The following ADGRV1 variants were observed in gnomAD, a reference collection of about 807,000 sequenced individuals.
ADGRV1 encodes the protein adhesion G protein-coupled receptor V1.
In ADGRV1, 359 loss-of-function variants were observed where a neutral mutation model predicts 596.2. That is an observed-to-expected ratio of 0.60 (90% CI 0.55 to 0.66). The LOEUF is 0.66. Ranked by LOEUF, ADGRV1 falls within the 30% of genes least tolerant of loss-of-function variation. ADGRV1 has a pLI of 0.00. For missense variants in ADGRV1, 7,274 were observed against 7,575.6 expected, an observed-to-expected ratio of 0.96 and a Z score of 1.48; for synonymous variants, 2,681 against 2,679.2, an observed-to-expected ratio of 1.00 and a Z score of -0.02.
chr5:91,151,473 T>C (rs1796051631), intron 88 of ADGRV1, among the ~76,000 whole-genome samples: 1 of 152,192 alleles, frequency 6.6e-6, no homozygotes, highest in Admixed American at 6.5e-5. Flanking sequence ...CCTATATCTT[T>C]AGTATCCTTA....
chr5:90,688,332 G>A (rs1454869106), intron 29 of ADGRV1, among the ~76,000 whole-genome samples: 1 of 152,140 alleles, frequency 6.6e-6, no homozygotes, highest in African/African-American at 2.4e-5. Flanking sequence ...TGGGAAAACT[G>A]GCTAGCCATA....
At chr5:90,625,768 T>A (rs2149371261) in intron 6 of ADGRV1, 1 of 152,306 alleles carries the variant, frequency 6.6e-6, no homozygotes, top group African/African-American at 2.4e-5. Context: ...GCCCGGCTAA[T>A]TTTTTGTATT....
In ADGRV1 at chr5:90,877,585, G is replaced by GTT. The variant is rs72003963; in HGVS notation, c.17856+13740_17856+13741dup. Among the ~76,000 whole-genome samples the GTT allele has an allele frequency of 4.3e-5, 6 of 140,126 alleles. No individual in the cohort carries two copies. The East Asian group carries it at 6.1e-4, about 14-fold the overall frequency. The allele number at this position is 140,126 out of a possible 152,430, so 91.9% of individuals were successfully genotyped here. A position where few individuals can be genotyped will look rare whatever the true frequency, so the allele number is the denominator to read the frequency against. ...GGCATCAGTAGGGTTTCAGTGTGTGGTTTTTTTTTTTTTCATTTAATGTCT... is the reference window on the plus strand; with the variant it reads ...GGCATCAGTAGGGTTTCAGTGTGTGGTTTTTTTTTTTTTTTCATTTAATGTCT... On this transcript the variant is annotated intron_variant, in intron 83 of 89. Transcript: ENST00000405460.
chr5:90,596,009 C>T (rs974607917), intron 1 of ADGRV1, among the ~76,000 whole-genome samples: 10 of 147,076 alleles, frequency 6.8e-5, no homozygotes, highest in East Asian at 4.2e-4. Flanking sequence ...GGCTGCCGGG[C>T]GGAGAGGCTC....
At position 90,805,287 on chromosome 5, in the gene ADGRV1, G is replaced by A. The variant is rs555579089; in HGVS notation, c.14665G>A (p.Gly4889Arg). The A allele has an allele frequency of 3.4e-5, 54 of 1,607,838 alleles. 1 individual carries two copies. Among genetic ancestry groups the A allele is most frequent in the South Asian group, 3.1e-4 (28 of 90,584 alleles). ...VSEKAANSQVGFESTAFQLMN... is the reference protein window; with the variant it reads ...VSEKAANSQVRFESTAFQLMN... ...TCTAAGCATGATTTTCCCTCAGGTC[G>A]GATTTGAATCCACTGCTTTTCAACT... Residue 4889 changes from glycine (G) to arginine (R), a missense_variant, in exon 72 of 90, where the codon GGA (glycine) becomes AGA (arginine). Physicochemically the swap from Gly to Arg is moderately radical, Grantham distance 125. Around this residue, in one of 5 missense-constraint regions of ADGRV1, gnomAD observed 1,874 missense variants for 1,970.2 expected, o/e 0.95. Coordinates refer to ENST00000405460, the MANE Select transcript of ADGRV1 (RefSeq NM_032119.4).
intron 83 of ADGRV1, among the ~76,000 whole-genome samples, chr5:90,902,351 A>G (rs567012746): frequency 6.6e-6 from 1 of 152,092 alleles, no homozygotes; most frequent in African/African-American, 2.4e-5. Flanking sequence ...CTGTTCTTTC[A>G]TCAAACTCTC....
At chr5:90,577,955 C>T (rs532055885) in intron 1 of ADGRV1, among the ~76,000 whole-genome samples, 45 of 152,170 alleles carry the variant, frequency 3.0e-4, no homozygotes, top group African/African-American at 8.7e-4. Flanking sequence ...TTTTTGCACA[C>T]GGATTTTGTA....
At chr5:91,133,015 A>G (rs1167937162) in intron 87 of ADGRV1, among the ~76,000 whole-genome samples, 1 of 152,206 alleles carries the variant, frequency 6.6e-6, no homozygotes, top group African/African-American at 2.4e-5. Flanking sequence ...ATCTTCTATT[A>G]TGGAGAATTA....
At chr5:91,147,334 T>C (rs1334526396) in intron 87 of ADGRV1, among the ~76,000 whole-genome samples, 1 of 152,230 alleles carries the variant, frequency 6.6e-6, no homozygotes, top group Non-Finnish European at 1.5e-5. Flanking sequence ...ATTTGAAGAA[T>C]GCTTGTGGAA....
intron 85 of ADGRV1, among the ~76,000 whole-genome samples, chr5:91,038,449 G>C (rs1252837260): frequency 6.6e-6 from 1 of 152,218 alleles, no homozygotes; most frequent in African/African-American, 2.4e-5. Context: ...AGCCCAGCAA[G>C]AGTTGATAGT....
intron 6 of ADGRV1, chr5:90,626,432 TA>T: frequency 6.6e-6 from 1 of 152,304 alleles, no homozygotes; most frequent in East Asian, 1.9e-4. Context: ...CATAACATTT[TA>T]TTTTTAAGAT....
At chr5:90,646,956 T>C (rs1767882601) in intron 16 of ADGRV1, among the ~76,000 whole-genome samples, 1 of 152,054 alleles carries the variant, frequency 6.6e-6, no homozygotes, top group South Asian at 2.1e-4. Flanking sequence ...GTATTTTTAG[T>C]AGAGACGGGT....
intron 50 of ADGRV1, among the ~76,000 whole-genome samples, chr5:90,730,871 G>T (rs4916690): frequency 0.2 from 30,367 of 152,024 alleles, 3,135 homozygotes; most frequent in East Asian, 0.31. Context: ...AGGTGACTCT[G>T]GATGAATCAT....
At chr5:90,925,503 G>T (rs1356000869) in intron 83 of ADGRV1, among the ~76,000 whole-genome samples, 1 of 152,194 alleles carries the variant, frequency 6.6e-6, no homozygotes, top group Admixed American at 6.5e-5. Flanking sequence ...GTTTGCTGAA[G>T]TTGCTTATCA....
intron 86 of ADGRV1, among the ~76,000 whole-genome samples, chr5:91,091,455 G>A (rs1159532769): frequency 6.6e-6 from 1 of 151,874 alleles, no homozygotes; most frequent in Non-Finnish European, 1.5e-5. Flanking sequence ...CAGTCCCATA[G>A]GCCTTTTTTT....
In ADGRV1 at chr5:90,629,192, T is replaced by C; in HGVS notation, c.1510-18T>C. 7.0e-7 allele frequency: 1 copy of C among 1,435,046 alleles called. No individual in the cohort carries two copies. The highest frequency in any genetic ancestry group is 9.3e-7 in the Non-Finnish European group (1 of 1,071,044). The allele number at this position is 1,435,046 out of a possible 1,614,324, so 88.9% of individuals were successfully genotyped here. On this transcript the variant is annotated intron_variant, in intron 8 of 89. Coordinates refer to ENST00000405460, the MANE Select transcript of ADGRV1 (RefSeq NM_032119.4). ...ATGCGAGAATTCTGTACTTTAATAT[T>C]TTATTCCTTTACTTCAGCTTTTGTT...
chr5:90,722,468 T>C (rs912279332), intron 45 of ADGRV1, among the ~76,000 whole-genome samples: 1 of 151,718 alleles, frequency 6.6e-6, no homozygotes, highest in Non-Finnish European at 1.5e-5. Flanking sequence ...CCCAGCAGTT[T>C]GGGAGGCCGA....
chr5:90,631,169 G>A (rs900928970), intron 9 of ADGRV1, among the ~76,000 whole-genome samples: 41 of 152,254 alleles, frequency 2.7e-4, no homozygotes, highest in African/African-American at 9.4e-4. Context: ...AGCTTCTAGA[G>A]TTGCAGATGA....
intron 8 of ADGRV1, 127 bp from the exon 9 acceptor site, chr5:90,629,083 A>C: frequency 4.9e-6 from 3 of 617,584 alleles, no homozygotes; most frequent in Non-Finnish European, 7.5e-6. Context: ...TATTATGTAT[A>C]AGAAGTCATC....
Sources: gnomAD v4.1 joint callset for allele counts (sites outside exome capture counted in the v4.1 genomes callset) on GRCh38, gnomAD v4.1.1 for gene constraint, gnomAD v4.1.1 regional missense constraint, MANE v1.5 for transcripts, NCBI Gene and HGNC (gene_info 2026-07-23, HGNC 2026-07-21) for gene names.